DYNC1I2: variants seen among roughly 807,000 people sequenced by gnomAD.
DYNC1I2 encodes dynein cytoplasmic 1 intermediate chain 2, also known as cytoplasmic dynein 1 intermediate chain 2.
A neutral mutation model predicts 88.6 loss-of-function variants in DYNC1I2; 53 were observed. The ratio of observed to expected loss-of-function variants is 0.60; its 90% confidence interval spans 0.48 to 0.75. The LOEUF is 0.75. Ranked by LOEUF, DYNC1I2 falls within the 30% of genes least tolerant of loss-of-function variation. The pLI, the probability that DYNC1I2 is intolerant of heterozygous loss-of-function variation, is 0.00. For missense variants in DYNC1I2, 458 were observed against 766.6 expected, an observed-to-expected ratio of 0.60 and a Z score of 4.75; for synonymous variants, 198 against 254.6, an observed-to-expected ratio of 0.78 and a Z score of 2.12.
At chr2:171,695,046 C>T (rs942789884) in intron 3 of DYNC1I2, among the ~76,000 whole-genome samples, 3 of 152,072 alleles carry the variant, frequency 2.0e-5, no homozygotes, top group Admixed American at 2.0e-4. Flanking sequence ...CATTCTCATT[C>T]CCACTAATGC....
chr2:171,694,215 T>G (rs1056519537), intron 3 of DYNC1I2, among the ~76,000 whole-genome samples: 1 of 152,048 alleles, frequency 6.6e-6, no homozygotes, highest in Non-Finnish European at 1.5e-5. Context: ...TTTTGTACTT[T>G]TAGTAGAGAC....
rs1686762673 is a variant in DYNC1I2, at chr2:171,707,372, A to C, written c.330A>C (p.Gly110=). 1 of 1,609,568 alleles carries C rather than the reference A, an allele frequency of 6.2e-7. No homozygotes were observed. The highest frequency in any genetic ancestry group is 1.1e-5 in the South Asian group (1 of 90,022). Residue 110 remains glycine, a synonymous_variant, in exon 5 of 18, where the codon GGA becomes GGC. Coordinates refer to ENST00000397119, the MANE Select transcript of DYNC1I2 (RefSeq NM_001378.3). ...GSQDSGDGAV[G]SRTLHWDTDP... ...AAGACTCTGGAGATGGCGCCGTGGG[A>C]TCTAGGTACAGTAATTTTCCTTTTA...
Position 171,726,305 on chromosome 2 carries a change from C to T in DYNC1I2, c.870+12C>T, listed in dbSNP as rs560594412. 1.6e-5 allele frequency: 25 copies of T among 1,563,836 alleles called. No homozygotes were observed. Among genetic ancestry groups the T allele is most frequent in the Admixed American group, 3.6e-5 (2 of 55,796 alleles). ...ATTGGTCATCTCAGGTAAAATATAA[C>T]AAAATAGGCCGCTCTTAACTCATTT... On this transcript the variant is annotated intron_variant, in intron 10 of 17. Coordinates refer to ENST00000397119, the MANE Select transcript of DYNC1I2 (RefSeq NM_001378.3).
At chr2:171,728,134 T>C (rs1688368053) in intron 12 of DYNC1I2, among the ~76,000 whole-genome samples, 167 bp downstream of exon 12, 1 of 152,036 alleles carries the variant, frequency 6.6e-6, no homozygotes, top group Admixed American at 6.6e-5. Flanking sequence ...TGGAGATTTA[T>C]TAGAAACTCA....
intron 16 of DYNC1I2, 72 bp from the exon 17 acceptor site, chr2:171,745,730 A>T: frequency 6.8e-7 from 1 of 1,468,364 alleles, no homozygotes; most frequent in Non-Finnish European, 9.2e-7. Flanking sequence ...TGAGAGAAGA[A>T]TTACTGTTTT....
intron 7 of DYNC1I2, among the ~76,000 whole-genome samples, chr2:171,721,321 A>G (rs1574581958): frequency 1.3e-5 from 2 of 152,194 alleles, no homozygotes; most frequent in East Asian, 3.9e-4. Flanking sequence ...GTGACCTTGC[A>G]TCTTATTCTA....
At chr2:171,746,872 T>C (rs1689818844) in intron 17 of DYNC1I2, among the ~76,000 whole-genome samples, 1 of 152,068 alleles carries the variant, frequency 6.6e-6, no homozygotes, top group South Asian at 2.1e-4. Context: ...CAGACTCCTA[T>C]GATATTATAA....
chr2:171,744,129 G>A lies in DYNC1I2; in HGVS notation c.1617G>A (p.Leu539=), dbSNP rs768184684. 26 of 1,613,304 alleles carry A rather than the reference G, an allele frequency of 1.6e-5. No individual in the cohort carries two copies. The highest frequency in any genetic ancestry group is 1.9e-5 in the Non-Finnish European group (23 of 1,179,626). ...TGTGGTCACCTACCCACCCAGCCCT[G>A]TTTGCCTGTGTGGATGGCATGGGGA... ...DVMWSPTHPA[L]FACVDGMGRL... The change falls in exon 16 of 18, where the codon CTG becomes CTA. Residue 539 remains leucine, a synonymous_variant. Coordinates refer to ENST00000397119, the MANE Select transcript of DYNC1I2 (RefSeq NM_001378.3).
At chr2:171,728,254 GT>G in intron 12 of DYNC1I2, 50 bp from the exon 13 acceptor site, 1 of 1,130,006 alleles carries the variant, frequency 8.8e-7, no homozygotes, top group East Asian at 2.7e-5. Context: ...TAAAAATTTT[GT>G]TTTGCTTTTT....
At chr2:171,706,021 T>C (rs1686654248) in intron 3 of DYNC1I2, among the ~76,000 whole-genome samples, 1 of 152,128 alleles carries the variant, frequency 6.6e-6, no homozygotes. Context: ...GCCATCATAA[T>C]ATATTATACA....
intron 7 of DYNC1I2, among the ~76,000 whole-genome samples, chr2:171,718,042 C>T (rs1447016751): frequency 1.3e-5 from 2 of 151,520 alleles, no homozygotes; most frequent in Non-Finnish European, 2.9e-5. Context: ...CTGCAACCTC[C>T]ACCTCCCAGG....
intron 3 of DYNC1I2, among the ~76,000 whole-genome samples, chr2:171,702,585 T>C (rs934496517): frequency 2.6e-5 from 4 of 152,068 alleles, no homozygotes; most frequent in African/African-American, 7.2e-5. Context: ...TTTTAAAGCA[T>C]AGAAGTATAA....
chr2:171,716,070 C>G (rs548710543), intron 7 of DYNC1I2, among the ~76,000 whole-genome samples: 1 of 151,806 alleles, frequency 6.6e-6, no homozygotes, highest in East Asian at 1.9e-4. Flanking sequence ...TAAAGTACTA[C>G]GATCTCATTT....
chr2:171,719,224 A>G (rs1197292903), intron 7 of DYNC1I2, among the ~76,000 whole-genome samples: 1 of 152,132 alleles, frequency 6.6e-6, no homozygotes, highest in Non-Finnish European at 1.5e-5. Context: ...CCCTTTGGAA[A>G]TATTTATAAA....
chr2:171,736,935 C>T (rs551887465), intron 15 of DYNC1I2, among the ~76,000 whole-genome samples: 397 of 152,242 alleles, frequency 2.6e-3, no homozygotes, highest in Non-Finnish European at 4.7e-3. Context: ...CCCGCTTACC[C>T]CAGCTTTGAA....
intron 7 of DYNC1I2, among the ~76,000 whole-genome samples, chr2:171,719,885 C>G (rs1339127516): frequency 1.3e-5 from 2 of 152,182 alleles, no homozygotes; most frequent in Non-Finnish European, 2.9e-5. Flanking sequence ...AGTCGATTTT[C>G]TTCTCAGCAG....
intron 11 of DYNC1I2, 39 bp from the exon 12 acceptor site, chr2:171,727,782 C>T: frequency 5.7e-6 from 9 of 1,587,762 alleles, no homozygotes; most frequent in Non-Finnish European, 7.7e-6. Flanking sequence ...AGGCATTTTC[C>T]ATTTGAATCT....
chr2:171,736,321 A>G (rs1302511803), intron 15 of DYNC1I2, among the ~76,000 whole-genome samples: 2 of 152,220 alleles, frequency 1.3e-5, no homozygotes, highest in African/African-American at 4.8e-5. Flanking sequence ...TTGATTAGAC[A>G]GGGAGTGCTA....
At chr2:171,744,212 T>A (rs779297818) in intron 16 of DYNC1I2, 23 bp downstream of exon 16, 81 of 1,562,310 alleles carry the variant, frequency 5.2e-5, no homozygotes, top group Non-Finnish European at 6.7e-5. Flanking sequence ...ATAACAAAAA[T>A]TGCATTGAAA....
Sources: gnomAD v4.1 joint callset for allele counts (sites outside exome capture counted in the v4.1 genomes callset) on GRCh38, gnomAD v4.1.1 for gene constraint, MANE v1.5 for transcripts, NCBI Gene and HGNC (gene_info 2026-07-23, HGNC 2026-07-21) for gene names.